Variants in APBB2 observed in about 807,000 individuals in gnomAD.
APBB2 encodes amyloid beta precursor protein binding family B member 2.
Under a neutral mutation model 82.5 loss-of-function variants are expected in APBB2, and 38 were observed. The observed-to-expected ratio is 0.46, with a 90% CI of 0.36 to 0.60. APBB2 has a LOEUF of 0.60. Ranked by LOEUF, APBB2 falls within the 20% of genes least tolerant of loss-of-function variation. APBB2 has a pLI of 0.00. For missense variants in APBB2, 772 were observed against 972.3 expected (o/e 0.79, Z 2.74); for synonymous variants, 341 against 368.2 (o/e 0.93, Z 0.85).
At chr4:41,040,803 G>A (rs970687657) in intron 4 of APBB2, among the ~76,000 whole-genome samples, 1 of 152,194 alleles carries the variant, frequency 6.6e-6, no homozygotes, top group Admixed American at 6.5e-5. Context: ...CTGCTGGTAG[G>A]CAAAACCTGA....
chr4:40,897,713 C>T lies in APBB2; in HGVS notation c.1255-4302G>A, dbSNP rs1182804015. ...TGTAAGCGGGACTAGGCAGCTCCGCCCGAGGGGCCAGCTTGGCTTCTTCCC... is the reference window on the plus strand; with the variant it reads ...TGTAAGCGGGACTAGGCAGCTCCGCTCGAGGGGCCAGCTTGGCTTCTTCCC... On this transcript the variant is annotated intron_variant, in intron 10 of 17. Coordinates refer to ENST00000508593, the MANE Select transcript of APBB2 (RefSeq NM_004307.2). 7.0e-4 allele frequency among the ~76,000 whole-genome samples: 107 copies of T among 152,124 alleles called. 3 individuals are homozygous for T. The highest frequency in any genetic ancestry group is 2.6e-4 in the Non-Finnish European group (18 of 68,030).
intron 8 of APBB2, 167 bp downstream of exon 8, chr4:40,934,910 G>T: frequency 1.4e-6 from 1 of 690,276 alleles, no homozygotes; most frequent in Non-Finnish European, 2.4e-6. Context: ...CACAATGGGA[G>T]ACACCAAAAA....
chr4:40,919,823 G>A (rs1413455146), intron 10 of APBB2, among the ~76,000 whole-genome samples: 1 of 152,200 alleles, frequency 6.6e-6, no homozygotes, highest in Admixed American at 6.5e-5. Flanking sequence ...ACACTGTGAG[G>A]TTCCCAGACT....
intron 12 of APBB2, among the ~76,000 whole-genome samples, chr4:40,879,336 T>C (rs13132027): frequency 0.25 from 37,785 of 151,752 alleles, 5,477 homozygotes; most frequent in East Asian, 0.57. Context: ...CATGACACGA[T>C]AATTCTCCTA....
At chr4:40,965,969 A>G (rs1231841925) in intron 6 of APBB2, among the ~76,000 whole-genome samples, 1 of 152,250 alleles carries the variant, frequency 6.6e-6, no homozygotes, top group African/African-American at 2.4e-5. Context: ...ACCCTTCTCT[A>G]GAATTAATGC....
intron 2 of APBB2, among the ~76,000 whole-genome samples, chr4:41,138,316 G>A (rs1758157486): frequency 6.6e-6 from 1 of 152,122 alleles, no homozygotes; most frequent in African/African-American, 2.4e-5. Flanking sequence ...AAAAACTTCT[G>A]AGCACCAAAC....
intron 6 of APBB2, among the ~76,000 whole-genome samples, chr4:40,946,101 G>A (rs967570594): frequency 1.6e-4 from 25 of 152,000 alleles, no homozygotes; most frequent in Non-Finnish European, 2.5e-4. Context: ...GCATGGTGGC[G>A]CACACCTGCA....
At chr4:40,942,459 A>G (rs1008186319) in intron 7 of APBB2, among the ~76,000 whole-genome samples, 35 of 151,978 alleles carry the variant, frequency 2.3e-4, no homozygotes, top group African/African-American at 6.5e-4. Flanking sequence ...ATCCCACCCT[A>G]ACCCCAGCTG....
intron 10 of APBB2, among the ~76,000 whole-genome samples, chr4:40,902,250 G>A (rs1005765654): frequency 6.6e-6 from 1 of 152,212 alleles, no homozygotes; most frequent in Admixed American, 6.5e-5. Flanking sequence ...ACAGCAGAGT[G>A]CTCACCGTCA....
intron 1 of APBB2, among the ~76,000 whole-genome samples, chr4:41,198,766 C>T (rs1189591139): frequency 1.3e-5 from 2 of 152,156 alleles, no homozygotes; most frequent in African/African-American, 2.4e-5. Context: ...AGCCATGATC[C>T]CTCCAAAGTC....
At position 40,902,961 on chromosome 4, in the gene APBB2, T is replaced by A. The variant is rs542748139; in HGVS notation, c.1255-9550A>T. Among the ~76,000 whole-genome samples the A allele has an allele frequency of 9.9e-5, 15 of 152,138 alleles. No homozygotes were observed. The East Asian group carries it at 2.5e-3, about 26-fold the overall frequency. On this transcript the variant is annotated intron_variant, in intron 10 of 17. Coordinates refer to ENST00000508593, the MANE Select transcript of APBB2 (RefSeq NM_004307.2). Reference sequence around the variant, plus strand: ...TTCAAGACAAGCCTGGGTAACAAAGTGAGACATGGTCTGTAAAAAAAATTT... The same window carrying A: ...TTCAAGACAAGCCTGGGTAACAAAGAGAGACATGGTCTGTAAAAAAAATTT...
intron 6 of APBB2, among the ~76,000 whole-genome samples, chr4:40,969,023 T>C (rs925525649): frequency 6.6e-6 from 1 of 152,244 alleles, no homozygotes; most frequent in Non-Finnish European, 1.5e-5. Flanking sequence ...CCTGCTGTCA[T>C]GTAAGACGTG....
At chr4:40,898,880 C>CACAGAG (rs148917018) in intron 10 of APBB2, among the ~76,000 whole-genome samples, 53 of 149,636 alleles carry the variant, frequency 3.5e-4, no homozygotes, top group African/African-American at 5.4e-4. Flanking sequence ...CACACACACA[C>CACAGAG]AGAACACTGG....
chr4:41,014,562 A>G (rs1039991699), intron 5 of APBB2, 164 bp from the exon 6 acceptor site: 7 of 715,994 alleles, frequency 9.8e-6, no homozygotes, highest in Non-Finnish European at 1.6e-5. Flanking sequence ...ATTTGTTCCT[A>G]TATTAAACAG....
intron 4 of APBB2, among the ~76,000 whole-genome samples, chr4:41,042,346 A>C (rs1721845280): frequency 6.6e-6 from 1 of 152,220 alleles, no homozygotes; most frequent in Non-Finnish European, 1.5e-5. Context: ...AAATAACTGC[A>C]ATGTTTAATG....
chr4:41,034,943 T>G (rs1718565760), intron 4 of APBB2, among the ~76,000 whole-genome samples: 1 of 152,224 alleles, frequency 6.6e-6, no homozygotes, highest in Non-Finnish European at 1.5e-5. Context: ...ACAGATACTG[T>G]ATGATTCTAT....
At position 41,050,573 on chromosome 4, in the gene APBB2, G is replaced by C. The variant is rs144158005; in HGVS notation, c.-51+15003C>G. ...TTCCTACAAATTCCACACGTCACCT[G>C]CAAGTTGCCAATGTTACCTTTCCCT... On this transcript the variant is annotated intron_variant, in intron 4 of 17. Coordinates refer to ENST00000508593, the MANE Select transcript of APBB2 (RefSeq NM_004307.2). Among the ~76,000 whole-genome samples, 423 of 152,270 alleles carry C rather than the reference G, an allele frequency of 2.8e-3. 3 individuals are homozygous for C. Among genetic ancestry groups the C allele is most frequent in the African/African-American group, 9.7e-3 (403 of 41,542 alleles).
At chr4:41,005,493 T>G (rs1806450998) in intron 6 of APBB2, among the ~76,000 whole-genome samples, 1 of 152,162 alleles carries the variant, frequency 6.6e-6, no homozygotes. Context: ...TCTGAAAGTG[T>G]CCAGTAGTGT....
intron 2 of APBB2, among the ~76,000 whole-genome samples, chr4:41,111,203 T>A (rs968002015): frequency 6.6e-6 from 1 of 152,220 alleles, no homozygotes; most frequent in Non-Finnish European, 1.5e-5. Flanking sequence ...AGATTAAGCT[T>A]TCCTCACTCA....
Sources: allele counts gnomAD v4.1 joint callset (sites outside exome capture counted in the v4.1 genomes callset), GRCh38; gene constraint gnomAD v4.1.1; transcripts MANE v1.5; gene names NCBI Gene and HGNC (gene_info 2026-07-23, HGNC 2026-07-21).